The following PDZD2 variants were observed in gnomAD, a reference collection of about 807,000 sequenced individuals.
PDZD2 encodes PDZ domain-containing protein 2.
In PDZD2, 90 loss-of-function variants were observed where a neutral mutation model predicts 220.7. That is an observed-to-expected ratio of 0.41 (90% CI 0.34 to 0.49). PDZD2 has a LOEUF of 0.49. Among genes scored for constraint, PDZD2 ranks in the 20% least tolerant of loss-of-function variants. The pLI is 0.28. For synonymous variants in PDZD2, 1,375 were observed against 1,450.5 expected (o/e 0.95, Z 1.18); for missense variants, 3,174 against 3,608.5 (o/e 0.88, Z 3.08).
At chr5:31,782,203 A>G (rs2150210426) in intron 1 of PDZD2, among the ~76,000 whole-genome samples, 1 of 152,204 alleles carries the variant, frequency 6.6e-6, no homozygotes, top group East Asian at 1.9e-4. Context: ...GCCATATAAA[A>G]TACCAGACAG....
At chr5:31,778,866 A>C (rs1449473083) in intron 1 of PDZD2, among the ~76,000 whole-genome samples, 1 of 152,180 alleles carries the variant, frequency 6.6e-6, no homozygotes, top group Non-Finnish European at 1.5e-5. Context: ...AAAACCACTC[A>C]TAGATCTCCT....
intron 2 of PDZD2, among the ~76,000 whole-genome samples, chr5:31,824,980 C>T (rs1756126641): frequency 1.3e-5 from 2 of 152,178 alleles, no homozygotes; most frequent in Non-Finnish European, 2.9e-5. Flanking sequence ...CTTTGACATG[C>T]TCGCCCTTCC....
chr5:31,719,161 T>C (rs1300079414), intron 1 of PDZD2, among the ~76,000 whole-genome samples: 1 of 152,170 alleles, frequency 6.6e-6, no homozygotes, highest in Non-Finnish European at 1.5e-5. Flanking sequence ...GGCCTTTGAA[T>C]TGGTGTTCTC....
At chr5:31,806,744 C>G (rs1337661237) in intron 2 of PDZD2, among the ~76,000 whole-genome samples, 1 of 152,162 alleles carries the variant, frequency 6.6e-6, no homozygotes, top group Non-Finnish European at 1.5e-5. Flanking sequence ...ACGCCAGTCA[C>G]TTCCTAGCTT....
intron 2 of PDZD2, among the ~76,000 whole-genome samples, chr5:31,810,508 G>A (rs1251513332): frequency 2.0e-5 from 3 of 152,066 alleles, no homozygotes; most frequent in South Asian, 2.1e-4. Flanking sequence ...CTTGTGATCC[G>A]CCCACCTTGG....
intron 2 of PDZD2, among the ~76,000 whole-genome samples, chr5:31,955,759 A>G (rs1222128064): frequency 8.4e-6 from 1 of 118,874 alleles, no homozygotes; most frequent in Non-Finnish European, 1.8e-5. Context: ...ATTTTTTCTT[A>G]ATTTAGGCAC....
chr5:31,770,110 A>G (rs1262560543), intron 1 of PDZD2, among the ~76,000 whole-genome samples: 1 of 152,250 alleles, frequency 6.6e-6, no homozygotes, highest in Non-Finnish European at 1.5e-5. Flanking sequence ...CATAATCACA[A>G]AGAAAGGGAA....
intron 1 of PDZD2, among the ~76,000 whole-genome samples, chr5:31,788,533 C>T (rs1020357359): frequency 8.6e-5 from 13 of 151,618 alleles, no homozygotes; most frequent in East Asian, 7.8e-4. Context: ...GGTGTGGTGG[C>T]GGGCGCCTGT....
At chr5:31,786,799 T>G (rs924796903) in intron 1 of PDZD2, among the ~76,000 whole-genome samples, 1 of 152,154 alleles carries the variant, frequency 6.6e-6, no homozygotes, top group Non-Finnish European at 1.5e-5. Context: ...AGTGGCAGAG[T>G]GTATTACTGG....
chr5:32,026,727 C>G (rs1044533513), intron 6 of PDZD2, among the ~76,000 whole-genome samples: 1 of 152,090 alleles, frequency 6.6e-6, no homozygotes, highest in African/African-American at 2.4e-5. Flanking sequence ...AGCTCCAGAC[C>G]CCATAGTTTT....
intron 2 of PDZD2, among the ~76,000 whole-genome samples, chr5:31,930,420 C>T (rs189431632): frequency 4.3e-3 from 648 of 151,918 alleles, no homozygotes; most frequent in East Asian, 0.012. Flanking sequence ...AGGATGGTCT[C>T]GATCTCCTGA....
intron 5 of PDZD2, among the ~76,000 whole-genome samples, chr5:32,003,174 C>CAT (rs1561316734): frequency 1.6e-5 from 1 of 64,064 alleles, no homozygotes; most frequent in Non-Finnish European, 3.5e-5. Flanking sequence ...ACACCACACA[C>CAT]CATACACCAC....
At chr5:31,934,584 A>G (rs925348230) in intron 2 of PDZD2, among the ~76,000 whole-genome samples, 3 of 141,384 alleles carry the variant, frequency 2.1e-5, no homozygotes, top group African/African-American at 7.9e-5. Context: ...TTTTCTGTTT[A>G]GGAGACATTT....
intron 2 of PDZD2, among the ~76,000 whole-genome samples, chr5:31,826,279 C>T (rs1463176167): frequency 6.6e-6 from 1 of 152,044 alleles, no homozygotes; most frequent in Non-Finnish European, 1.5e-5. Context: ...TCAATGCCAC[C>T]GTGGTGGGGA....
At chr5:31,786,304 C>T (rs1753375680) in intron 1 of PDZD2, among the ~76,000 whole-genome samples, 1 of 152,174 alleles carries the variant, frequency 6.6e-6, no homozygotes, top group African/African-American at 2.4e-5. Context: ...ACAGTTTAGG[C>T]TCTTGCCAAA....
At chr5:31,982,339 A>G (rs1561256537) in intron 2 of PDZD2, among the ~76,000 whole-genome samples, 2 of 151,890 alleles carry the variant, frequency 1.3e-5, no homozygotes, top group East Asian at 1.9e-4. Context: ...ACAGGGTCTC[A>G]CTCTGTCACC....
In PDZD2 at chr5:31,801,077, G is replaced by C. The variant is rs116005415; in HGVS notation, c.476+1353G>C. On this transcript the variant is annotated intron_variant, in intron 2 of 24. Transcript: ENST00000438447. Reference sequence around the variant, plus strand: ...GCAAAGTGCAGGGTGGAGAAGAATGGAGATTGGATGTGGAGGGTCAACAAG... The same window carrying C: ...GCAAAGTGCAGGGTGGAGAAGAATGCAGATTGGATGTGGAGGGTCAACAAG... 2.4e-4 allele frequency among the ~76,000 whole-genome samples: 36 copies of C among 152,328 alleles called. No homozygotes were observed. In the South Asian group the frequency reaches 3.9e-3, roughly 17 times the overall value.
At chr5:31,868,494 A>G (rs1383604775) in intron 2 of PDZD2, among the ~76,000 whole-genome samples, 1 of 152,166 alleles carries the variant, frequency 6.6e-6, no homozygotes, top group Non-Finnish European at 1.5e-5. Flanking sequence ...GGGAAAAGCT[A>G]GTTAGCATAC....
chr5:32,097,466 G>T, intron 22 of PDZD2, 86 bp downstream of exon 22: 1 of 807,814 alleles, frequency 1.2e-6, no homozygotes, highest in Non-Finnish European at 2.2e-6. Flanking sequence ...CCAATCAGCG[G>T]GTTCAGAGAT....
Sources: allele counts gnomAD v4.1 joint callset (sites outside exome capture counted in the v4.1 genomes callset), GRCh38; gene constraint gnomAD v4.1.1; transcripts MANE v1.5; gene names NCBI Gene and HGNC (gene_info 2026-07-23, HGNC 2026-07-21).